The following TULP4 variants were observed in gnomAD, a reference collection of about 807,000 sequenced individuals.
TULP4 encodes TUB like protein 4.
In TULP4, 16 loss-of-function variants were observed where a neutral mutation model predicts 129.0. The ratio of observed to expected loss-of-function variants is 0.12; its 90% CI spans 0.08 to 0.19. The LOEUF (loss-of-function observed/expected upper bound fraction) is 0.19. Among genes scored for constraint, TULP4 ranks in the 10% least tolerant of loss-of-function variants. The pLI, the probability that TULP4 is intolerant of heterozygous loss-of-function variation, is 1.00. For synonymous variants in TULP4, 998 were observed against 854.0 expected, an observed-to-expected ratio of 1.17 and a Z score of -2.94; for missense variants, 1,842 against 2,059.1, an observed-to-expected ratio of 0.89 and a Z score of 2.04.
intron 1 of TULP4, among the ~76,000 whole-genome samples, chr6:158,302,290 A>T (rs945606550): frequency 2.0e-5 from 3 of 152,148 alleles, no homozygotes; most frequent in Non-Finnish European, 4.4e-5. Flanking sequence ...GTAAAAGCAA[A>T]TTTTTCACAA....
chr6:158,238,082 A>C, intron 1 of TULP4: 1 of 708,364 alleles, frequency 1.4e-6, no homozygotes, highest in Middle Eastern at 3.5e-4. Flanking sequence ...AATCTTCTTC[A>C]TGGCTACACA....
intron 6 of TULP4, among the ~76,000 whole-genome samples, chr6:158,465,778 G>A (rs1228631236): frequency 6.6e-6 from 1 of 152,196 alleles, no homozygotes; most frequent in Non-Finnish European, 1.5e-5. Context: ...AAATCAACAT[G>A]TGGAAGGTAT....
chr6:158,288,835 A>G (rs556578644), intron 1 of TULP4, among the ~76,000 whole-genome samples: 1 of 152,276 alleles, frequency 6.6e-6, no homozygotes, highest in Admixed American at 6.5e-5. Flanking sequence ...TTTTGCTTGT[A>G]TTGCAATAAT....
chr6:158,355,604 G>C (rs1032277074), intron 1 of TULP4, among the ~76,000 whole-genome samples: 3 of 152,192 alleles, frequency 2.0e-5, no homozygotes, highest in African/African-American at 7.2e-5. Context: ...TTGGTTAAAA[G>C]GCTTTTGCAA....
At chr6:158,388,522 G>A (rs972860052) in intron 1 of TULP4, among the ~76,000 whole-genome samples, 14 of 151,148 alleles carry the variant, frequency 9.3e-5, no homozygotes, top group Admixed American at 7.2e-4. Flanking sequence ...GTAGAGATGG[G>A]GTTTCACCGT....
At chr6:158,294,775 G>A (rs1055378157) in intron 1 of TULP4, among the ~76,000 whole-genome samples, 1 of 151,706 alleles carries the variant, frequency 6.6e-6, no homozygotes, top group Admixed American at 6.6e-5. Flanking sequence ...CTGTTTCCCA[G>A]GCCTGGAGCA....
chr6:158,447,806 A>C (rs1779085577), intron 3 of TULP4, among the ~76,000 whole-genome samples: 1 of 152,250 alleles, frequency 6.6e-6, no homozygotes, highest in Admixed American at 6.5e-5. Context: ...TTGTCAGCTT[A>C]CTTGGCCTCT....
At position 158,493,761 on chromosome 6, in the gene TULP4, G is replaced by T; in HGVS notation, c.1776+44G>T. On this transcript the variant is annotated intron_variant, in intron 10 of 13. Coordinates refer to ENST00000367097, the MANE Select transcript of TULP4 (RefSeq NM_020245.5). This position sits in a 1 kb window ranked among gnomAD's most constrained non-coding sequence, Gnocchi z 4.4. ...CCTGCCTTGCTCCCCTCCTCCTGGG[G>T]GCTATGCCCAGAGGGCCCCTTCCTA... 6.7e-7 allele frequency: 1 copy of T among 1,490,220 alleles called. No individual in the cohort carries two copies. Among genetic ancestry groups the T allele is most frequent in the Non-Finnish European group, 8.9e-7 (1 of 1,118,306 alleles). The allele number at this position is 1,490,220 out of a possible 1,614,324, so 92.3% of individuals were successfully genotyped here.
intron 3 of TULP4, among the ~76,000 whole-genome samples, chr6:158,441,477 A>G (rs1412275179): frequency 4.6e-5 from 7 of 152,198 alleles, no homozygotes; most frequent in Non-Finnish European, 8.8e-5. Flanking sequence ...TGGTTTTGAC[A>G]CAGGGATCTT....
At chr6:158,372,142 T>TAA (rs1554284994) in intron 1 of TULP4, among the ~76,000 whole-genome samples, 2 of 121,276 alleles carry the variant, frequency 1.6e-5, no homozygotes, top group African/African-American at 3.2e-5. Flanking sequence ...TTTTTTTTTT[T>TAA]AATACAATTC....
chr6:158,295,084 T>C (rs1320508838), intron 1 of TULP4, among the ~76,000 whole-genome samples: 2 of 152,214 alleles, frequency 1.3e-5, no homozygotes, highest in African/African-American at 2.4e-5. Context: ...TTTGCATATT[T>C]TATTGAAAAT....
At chr6:158,249,183 C>G (rs561060087) in intron 1 of TULP4, among the ~76,000 whole-genome samples, 1 of 151,900 alleles carries the variant, frequency 6.6e-6, no homozygotes, top group East Asian at 1.9e-4. Flanking sequence ...CCAGGCCTTA[C>G]AAGTGATTTG....
intron 1 of TULP4, among the ~76,000 whole-genome samples, chr6:158,293,378 T>G (rs926701111): frequency 1.3e-5 from 2 of 152,222 alleles, no homozygotes; most frequent in Non-Finnish European, 2.9e-5. Context: ...CCCACTTCCC[T>G]AAACTGAGGC....
chr6:158,368,076 A>AAAAAAAAAAAAAAAAC (rs1776974998), intron 1 of TULP4, among the ~76,000 whole-genome samples: 1 of 149,968 alleles, frequency 6.7e-6, no homozygotes. Context: ...CAAAAAAAAA[A>AAAAAAAAAAAAAAAAC]AAAAAAAAAA....
chr6:158,391,424 G>T (rs11757895), intron 1 of TULP4, among the ~76,000 whole-genome samples: 27,457 of 152,224 alleles, frequency 0.18, 3,135 homozygotes, highest in Non-Finnish European at 0.26. Context: ...ACTTAGGCCA[G>T]TTCATTGTTA....
At chr6:158,261,946 C>G (rs1778359790) in intron 1 of TULP4, among the ~76,000 whole-genome samples, 2 of 152,178 alleles carry the variant, frequency 1.3e-5, no homozygotes, top group Non-Finnish European at 2.9e-5. Context: ...TTCCTGGAAG[C>G]TCCCTCTTCA....
At chr6:158,444,046 C>T (rs111986376) in intron 3 of TULP4, among the ~76,000 whole-genome samples, 187 of 151,214 alleles carry the variant, frequency 1.2e-3, no homozygotes, top group African/African-American at 2.2e-3. Flanking sequence ...GGTGAAACCC[C>T]GTCTCTACTA....
chr6:158,339,850 A>G (rs1406415370), intron 1 of TULP4, among the ~76,000 whole-genome samples: 2 of 152,236 alleles, frequency 1.3e-5, no homozygotes, highest in Non-Finnish European at 2.9e-5. Context: ...CTGAAGCTAC[A>G]TACATCCTCA....
intron 4 of TULP4, 98 bp from the exon 5 acceptor site, chr6:158,452,036 A>G (rs1779172612): frequency 1.9e-6 from 3 of 1,544,890 alleles, no homozygotes; most frequent in Non-Finnish European, 2.6e-6. Flanking sequence ...CTGCATTGTC[A>G]GGCAATTTCT....
Sources: allele counts gnomAD v4.1 joint callset (sites outside exome capture counted in the v4.1 genomes callset), GRCh38; gene constraint gnomAD v4.1.1; non-coding constraint Gnocchi (gnomAD v3.1); transcripts MANE v1.5; gene names NCBI Gene and HGNC (gene_info 2026-07-23, HGNC 2026-07-21).